IL1RAPL2: variants seen among roughly 807,000 people sequenced by gnomAD.
IL1RAPL2 encodes the protein X-linked interleukin-1 receptor accessory protein-like 2.
A neutral mutation model predicts 44.1 loss-of-function variants in IL1RAPL2; 3 were observed. That is an observed-to-expected ratio of 0.07 (90% CI 0.03 to 0.18). IL1RAPL2 has a LOEUF of 0.18. IL1RAPL2 is among the 10% of genes least tolerant of loss of function. IL1RAPL2 has a pLI of 1.00. For synonymous variants in IL1RAPL2, 181 were observed against 178.8 expected, an observed-to-expected ratio of 1.01 and a Z score of -0.10; for missense variants, 391 against 496.4, an observed-to-expected ratio of 0.79 and a Z score of 2.02.
At chrX:105,714,630 A>C in intron 6 of IL1RAPL2, among the ~76,000 whole-genome samples, 1 of 111,847 alleles carries the variant, frequency 8.9e-6, no homozygotes, top group Non-Finnish European at 1.9e-5. Flanking sequence ...AATCCAGCTC[A>C]ACTCATCCTT....
intron 2 of IL1RAPL2, among the ~76,000 whole-genome samples, chrX:104,677,804 C>T (rs975101860): frequency 8.9e-6 from 1 of 112,055 alleles, no homozygotes; most frequent in Admixed American, 9.4e-5. Context: ...CGTGGTGCGC[C>T]GTTTTTTAAG....
chrX:104,691,867 G>A (rs1012332841), intron 2 of IL1RAPL2, among the ~76,000 whole-genome samples: 3 of 111,447 alleles, frequency 2.7e-5, no homozygotes, highest in African/African-American at 9.8e-5. Flanking sequence ...GGTAACGATA[G>A]AGTGAGGAGC....
intron 5 of IL1RAPL2, among the ~76,000 whole-genome samples, chrX:105,329,951 G>T (rs2034973258): frequency 9.1e-6 from 1 of 110,413 alleles, no homozygotes; most frequent in Admixed American, 9.7e-5. Flanking sequence ...AAAATTACAG[G>T]TGTGGCTCAC....
intron 1 of IL1RAPL2, among the ~76,000 whole-genome samples, chrX:104,634,301 T>A (rs1451522732): frequency 8.9e-6 from 1 of 111,953 alleles, no homozygotes; most frequent in Non-Finnish European, 1.9e-5. Flanking sequence ...GGTGTGGTGC[T>A]GAAAAGAATG....
intron 2 of IL1RAPL2, among the ~76,000 whole-genome samples, chrX:105,081,607 G>T (rs1383264911): frequency 9.0e-6 from 1 of 111,539 alleles, no homozygotes; most frequent in Non-Finnish European, 1.9e-5. Context: ...ATGATTGGCT[G>T]TGGGTTTGTC....
intron 2 of IL1RAPL2, among the ~76,000 whole-genome samples, chrX:104,949,011 A>C (rs1475142631): frequency 1.6e-4 from 17 of 109,461 alleles, no homozygotes; most frequent in African/African-American, 4.6e-4. Flanking sequence ...TCCTCCTTGT[A>C]CCTCTGGTAG....
At chrX:105,560,535 C>T (rs1367835638) in intron 6 of IL1RAPL2, among the ~76,000 whole-genome samples, 1 of 111,170 alleles carries the variant, frequency 9.0e-6, no homozygotes, top group African/African-American at 3.3e-5. Flanking sequence ...TCTCCTGACT[C>T]AGACTCCTGA....
intron 2 of IL1RAPL2, among the ~76,000 whole-genome samples, chrX:104,746,986 C>T (rs1932185899): frequency 9.0e-6 from 1 of 111,541 alleles, no homozygotes; most frequent in Non-Finnish European, 1.9e-5. Context: ...ACATTTTATC[C>T]AGGCATGCAA....
At chrX:104,768,036 A>T (rs1358969719) in intron 2 of IL1RAPL2, among the ~76,000 whole-genome samples, 1 of 112,131 alleles carries the variant, frequency 8.9e-6, no homozygotes, top group African/African-American at 3.2e-5. Context: ...AAACAATTTT[A>T]TATGTCAATT....
chrX:105,444,762 G>A (rs1207881550), intron 5 of IL1RAPL2, among the ~76,000 whole-genome samples: 1 of 110,614 alleles, frequency 9.0e-6, no homozygotes, highest in Non-Finnish European at 1.9e-5. Context: ...TAGGTTTTAA[G>A]CCCAGCATGC....
chrX:104,819,793 T>G (rs1405673677), intron 2 of IL1RAPL2, among the ~76,000 whole-genome samples: 3 of 112,029 alleles, frequency 2.7e-5, no homozygotes, highest in African/African-American at 9.8e-5. Context: ...TTTACACTGT[T>G]TGTGTGATGT....
At chrX:105,068,989 T>C (rs1434049943) in intron 2 of IL1RAPL2, among the ~76,000 whole-genome samples, 2 of 112,338 alleles carry the variant, frequency 1.8e-5, no homozygotes, top group African/African-American at 3.2e-5. Flanking sequence ...AACTGAGCCT[T>C]GTGCTTTTAG....
At chrX:105,142,738 AT>A (rs2033137083) in intron 2 of IL1RAPL2, among the ~76,000 whole-genome samples, 1 of 109,064 alleles carries the variant, frequency 9.2e-6, no homozygotes, top group Non-Finnish European at 1.9e-5. Flanking sequence ...TTAACTCGTC[AT>A]TTAGCATTAG....
At chrX:105,447,107 A>ATATATATAT (rs1491220948) in intron 5 of IL1RAPL2, among the ~76,000 whole-genome samples, 5 of 32,698 alleles carry the variant, frequency 1.5e-4, no homozygotes, top group Non-Finnish European at 2.3e-4. Flanking sequence ...ATATATATAT[A>ATATATATAT]AAAATATATA....
At chrX:104,807,959 A>G (rs1479281809) in intron 2 of IL1RAPL2, among the ~76,000 whole-genome samples, 1 of 111,952 alleles carries the variant, frequency 8.9e-6, no homozygotes, top group African/African-American at 3.2e-5. Context: ...ATTTGGACCA[A>G]TGTTGGCCGA....
rs1039652475 is a variant in IL1RAPL2, at chrX:104,648,029, T to G, written c.-19-10866T>G. 7.7e-5 allele frequency: 42 copies of G among 545,370 alleles called. No homozygotes were observed. In the African/African-American group the frequency reaches 8.5e-4, roughly 11 times the overall value. The allele number at this position is 545,370 out of a possible 1,213,427, so 44.9% of individuals were successfully genotyped here. On this transcript the variant is annotated intron_variant, in intron 1 of 10. Transcript: ENST00000372582. ...TTCTTCTGCTGGACCCTCTCACACCTGCTTCCACTCTGACCTCCACATGAA... is the reference window on the plus strand; with the variant it reads ...TTCTTCTGCTGGACCCTCTCACACCGGCTTCCACTCTGACCTCCACATGAA...
intron 1 of IL1RAPL2, among the ~76,000 whole-genome samples, chrX:104,584,533 T>G (rs972470985): frequency 9.1e-6 from 1 of 110,296 alleles, no homozygotes; most frequent in Non-Finnish European, 1.9e-5. Flanking sequence ...GCTAAAAGTA[T>G]AAAGTAACAA....
intron 6 of IL1RAPL2, among the ~76,000 whole-genome samples, chrX:105,547,421 C>T (rs951214030): frequency 8.9e-6 from 1 of 112,307 alleles, no homozygotes; most frequent in African/African-American, 3.2e-5. Flanking sequence ...AGAAGACCCA[C>T]TACAGCATCC....
rs182937012 is a variant in IL1RAPL2 at position 105,351,326 on chromosome X, G to A, written c.697+83785G>A. 1.4e-4 allele frequency among the ~76,000 whole-genome samples: 16 copies of A among 111,618 alleles called. No homozygotes were observed. The Admixed American group carries it at 1.5e-3, about 11-fold the overall frequency. On this transcript the variant is annotated intron_variant, in intron 5 of 10. Coordinates refer to ENST00000372582, the MANE Select transcript of IL1RAPL2 (RefSeq NM_017416.2). ...AAATCATTCTACTATAAAGACACATGCACACATATATTTATTGTGACACTA... is the reference window on the plus strand; with the variant it reads ...AAATCATTCTACTATAAAGACACATACACACATATATTTATTGTGACACTA...
Sources: gnomAD v4.1 joint callset for allele counts (sites outside exome capture counted in the v4.1 genomes callset) on GRCh38, gnomAD v4.1.1 for gene constraint, MANE v1.5 for transcripts, NCBI Gene and HGNC (gene_info 2026-07-23, HGNC 2026-07-21) for gene names.